PLXDC2: variants seen among roughly 807,000 people sequenced by gnomAD.
PLXDC2 encodes the protein plexin domain containing 2.
PLXDC2 carries 40 observed loss-of-function variants against 68.9 expected under a neutral mutation model. The observed-to-expected ratio is 0.58, with a 90% CI of 0.45 to 0.76. The LOEUF is 0.76. Among genes scored for constraint, PLXDC2 ranks in the 30% least tolerant of loss-of-function variants. The pLI is 0.00. For synonymous variants in PLXDC2, 243 were observed against 234.2 expected (o/e 1.04, Z -0.34); for missense variants, 644 against 661.9 (o/e 0.97, Z 0.30).
At chr10:20,200,726 T>C (rs1281089908) in intron 9 of PLXDC2, among the ~76,000 whole-genome samples, 1 of 152,074 alleles carries the variant, frequency 6.6e-6, no homozygotes, top group African/African-American at 2.4e-5. Flanking sequence ...CCTGAACAGA[T>C]ATTTCTCAAA....
chr10:20,238,499 TAGCCAGGCATGGC>T (rs1213179519), intron 12 of PLXDC2, among the ~76,000 whole-genome samples: 1 of 149,242 alleles, frequency 6.7e-6, no homozygotes, highest in Admixed American at 6.7e-5. Flanking sequence ...ACACAAAAAT[TAGCCAGGCATGGC>T]AGCCCATGCC....
chr10:19,957,675 T>G (rs1834092898), intron 1 of PLXDC2, among the ~76,000 whole-genome samples: 3 of 152,152 alleles, frequency 2.0e-5, no homozygotes, highest in Admixed American at 2.0e-4. Context: ...TGCGATGAAG[T>G]GACTCATGCA....
chr10:20,176,421 G>A lies in PLXDC2; in HGVS notation c.884-578G>A, dbSNP rs562968999. ...GTGTGTGTGTGTGTGTGTGTCTGTC[G>A]TGAGAACACTTAAAAATCTATTCTT... On this transcript the variant is annotated intron_variant, in intron 7 of 13. Coordinates refer to ENST00000377252, the MANE Select transcript of PLXDC2 (RefSeq NM_032812.9). Among the ~76,000 whole-genome samples, 80 of 75,238 alleles carry A rather than the reference G, an allele frequency of 1.1e-3. 1 individual carries two copies. Among genetic ancestry groups the A allele is most frequent in the African/African-American group, 2.8e-3 (58 of 21,012 alleles). The allele number at this position is 75,238 out of a possible 152,430, so 49.4% of individuals were successfully genotyped here. A position where few individuals can be genotyped will look rare whatever the true frequency, so the allele number is the denominator to read the frequency against.
chr10:20,210,281 T>C lies in PLXDC2; in HGVS notation c.1062-1388T>C, dbSNP rs551090419. Among the ~76,000 whole-genome samples, 80 of 152,298 alleles carry C rather than the reference T, an allele frequency of 5.3e-4. 1 individual carries two copies. The highest frequency in any genetic ancestry group is 6.2e-4 in the South Asian group (3 of 4,822). The stretch of plus-strand genomic sequence containing the variant: ...AAATACAACAATTATAAGAATATAG[T>C]ATAATAAAAGTTATATTAATGTGAT... On this transcript the variant is annotated intron_variant, in intron 9 of 13. Transcript: ENST00000377252.
At chr10:20,104,762 T>A (rs1238174717) in intron 4 of PLXDC2, among the ~76,000 whole-genome samples, 1 of 151,854 alleles carries the variant, frequency 6.6e-6, no homozygotes, top group Non-Finnish European at 1.5e-5. Context: ...CATAAGAGCT[T>A]CCAGATCAGG....
intron 1 of PLXDC2, among the ~76,000 whole-genome samples, chr10:19,903,122 C>T (rs747249997): frequency 3.3e-5 from 5 of 151,896 alleles, no homozygotes; most frequent in African/African-American, 4.8e-5. Flanking sequence ...CAGGGATATT[C>T]GTCTGTAGGT....
chr10:19,856,681 A>G (rs1837220500), intron 1 of PLXDC2, among the ~76,000 whole-genome samples: 1 of 152,140 alleles, frequency 6.6e-6, no homozygotes, highest in Non-Finnish European at 1.5e-5. Flanking sequence ...CACACATTTC[A>G]TCTGCTTTCT....
intron 6 of PLXDC2, among the ~76,000 whole-genome samples, chr10:20,156,604 T>A (rs2131806700): frequency 6.6e-6 from 1 of 152,294 alleles, no homozygotes; most frequent in African/African-American, 2.4e-5. Flanking sequence ...GGATTTTACT[T>A]ATCATCTTCA....
intron 2 of PLXDC2, among the ~76,000 whole-genome samples, chr10:20,031,516 A>G (rs1027843214): frequency 3.9e-5 from 6 of 152,206 alleles, no homozygotes; most frequent in African/African-American, 1.2e-4. Context: ...AAAAGTCCCA[A>G]GCCACCTCTG....
intron 2 of PLXDC2, among the ~76,000 whole-genome samples, chr10:20,009,606 A>C (rs1195524195): frequency 1.3e-5 from 2 of 151,762 alleles, no homozygotes; most frequent in African/African-American, 4.8e-5. Flanking sequence ...AAGGAGAAAT[A>C]CTGCATTGGT....
intron 4 of PLXDC2, among the ~76,000 whole-genome samples, chr10:20,088,638 G>A (rs535704028): frequency 2.0e-5 from 3 of 152,218 alleles, no homozygotes; most frequent in South Asian, 4.2e-4. Context: ...AGAGTCTGTT[G>A]GTTAAAGGGC....
chr10:20,089,543 G>A (rs1833249373), intron 4 of PLXDC2, among the ~76,000 whole-genome samples: 1 of 152,156 alleles, frequency 6.6e-6, no homozygotes. Flanking sequence ...TTAGGAGAAG[G>A]TTAAACTAAC....
chr10:20,076,142 A>G (rs1237310944), intron 4 of PLXDC2, among the ~76,000 whole-genome samples: 1 of 152,248 alleles, frequency 6.6e-6, no homozygotes, highest in Non-Finnish European at 1.5e-5. Context: ...TATATGCCAG[A>G]TGCTCTAACA....
At chr10:19,889,309 C>T (rs1237022153) in intron 1 of PLXDC2, among the ~76,000 whole-genome samples, 1 of 152,040 alleles carries the variant, frequency 6.6e-6, no homozygotes, top group Non-Finnish European at 1.5e-5. Context: ...CCATGTCACT[C>T]CTGCTATTAA....
At chr10:20,223,831 C>T (rs1356316718) in intron 12 of PLXDC2, among the ~76,000 whole-genome samples, 1 of 152,134 alleles carries the variant, frequency 6.6e-6, no homozygotes, top group Non-Finnish European at 1.5e-5. Flanking sequence ...TTGTCAGAAT[C>T]CTTGTCATGT....
intron 4 of PLXDC2, among the ~76,000 whole-genome samples, chr10:20,124,406 A>G (rs186819446): frequency 1.3e-5 from 2 of 152,224 alleles, no homozygotes; most frequent in African/African-American, 4.8e-5. Context: ...AATTGGTGAG[A>G]TGTTCCTTGG....
chr10:20,068,613 A>ATT (rs1836259569), intron 4 of PLXDC2, among the ~76,000 whole-genome samples: 1 of 147,820 alleles, frequency 6.8e-6, no homozygotes, highest in South Asian at 2.1e-4. Context: ...CTATATATAT[A>ATT]TTATATATAT....
At position 20,160,284 on chromosome 10, in the gene PLXDC2, T is replaced by A. The variant is rs144716842; in HGVS notation, c.784-4184T>A. 4.6e-3 allele frequency among the ~76,000 whole-genome samples: 706 copies of A among 152,230 alleles called. 4 individuals are homozygous for A. Among genetic ancestry groups the A allele is most frequent in the Non-Finnish European group, 7.9e-3 (538 of 68,000 alleles). ...GACTCATAGTAGAGTTATATGGTAG[T>A]GGTGGTTTGACAGATGCAGTAATCA... On this transcript the variant is annotated intron_variant, in intron 6 of 13. Coordinates refer to ENST00000377252, the MANE Select transcript of PLXDC2 (RefSeq NM_032812.9).
chr10:20,035,718 A>T lies in PLXDC2; in HGVS notation c.325-11151A>T, dbSNP rs183639861. Among the ~76,000 whole-genome samples, 8 of 152,238 alleles carry T rather than the reference A, an allele frequency of 5.3e-5. No homozygotes were observed. The South Asian group carries it at 1.0e-3, about 20-fold the overall frequency. ...CTAAAATAAATAAATAAAAAATTTT[A>T]AAAAAGTATATGTTTACCTTTCACT... On this transcript the variant is annotated intron_variant, in intron 2 of 13. Coordinates refer to ENST00000377252, the MANE Select transcript of PLXDC2 (RefSeq NM_032812.9).
Sources: allele counts gnomAD v4.1 joint callset (sites outside exome capture counted in the v4.1 genomes callset), GRCh38; gene constraint gnomAD v4.1.1; transcripts MANE v1.5; gene names NCBI Gene and HGNC (gene_info 2026-07-23, HGNC 2026-07-21).